The following CLDN14 variants were observed in gnomAD, a reference collection of about 807,000 sequenced individuals.
CLDN14 encodes claudin-14.
In CLDN14, 2 loss-of-function variants were observed where a neutral mutation model predicts 2.1. The observed-to-expected ratio is 0.96, with a 90% CI of 0.39 to 3.01. The LOEUF is 3.01. CLDN14 is among the 30% of genes most tolerant of loss of function. The pLI, the probability that CLDN14 is intolerant of heterozygous loss-of-function variation, is 0.09. For missense variants in CLDN14, 298 were observed against 328.0 expected, an observed-to-expected ratio of 0.91 and a Z score of 0.71; for synonymous variants, 136 against 154.4, an observed-to-expected ratio of 0.88 and a Z score of 0.88.
chr21:36,491,258 T>A (rs1033518711), intron 2 of CLDN14, among the ~76,000 whole-genome samples: 1 of 152,150 alleles, frequency 6.6e-6, no homozygotes, highest in African/African-American at 2.4e-5. Context: ...GTCTCTTTCC[T>A]AAGGTTTGTG....
intron 1 of CLDN14, among the ~76,000 whole-genome samples, chr21:36,567,536 G>T (rs1439966288): frequency 1.3e-5 from 2 of 152,170 alleles, no homozygotes; most frequent in Non-Finnish European, 2.9e-5. Context: ...TTCATTTAGG[G>T]GGCTGGGGGT....
intron 1 of CLDN14, among the ~76,000 whole-genome samples, chr21:36,526,083 G>A (rs2146497429): frequency 6.6e-6 from 1 of 152,232 alleles, no homozygotes; most frequent in Admixed American, 6.5e-5. Context: ...TTCCTTATCT[G>A]AGAACCACAG....
Position 36,574,164 on chromosome 21 carries a change from C to A in CLDN14, c.-220+2247G>T, listed in dbSNP as rs561814060. On this transcript the variant is annotated intron_variant, in intron 1 of 2. Transcript: ENST00000342108. ...TAATATGAGTTCACATATGATAAAGCTACAGTAGTCAAGATAGTAGGGTAC... is the reference window on the plus strand; with the variant it reads ...TAATATGAGTTCACATATGATAAAGATACAGTAGTCAAGATAGTAGGGTAC... 9.9e-5 allele frequency among the ~76,000 whole-genome samples: 15 copies of A among 152,158 alleles called. 1 individual carries two copies. The highest frequency in any genetic ancestry group is 8.5e-4 in the Admixed American group (13 of 15,286).
rs149240544 is a variant in CLDN14, at chr21:36,498,987, C to G, written c.-82+11376G>C. Among the ~76,000 whole-genome samples the G allele has an allele frequency of 6.1e-3, 927 of 152,300 alleles. 11 individuals carry two copies. Among genetic ancestry groups the G allele is most frequent in the African/African-American group, 0.02 (841 of 41,566 alleles). The stretch of plus-strand genomic sequence containing the variant: ...GAGTGTCCTCTTGCACTCCATCCAT[C>G]TGGATGAAGCACCTTTATTTTCTAA... On this transcript the variant is annotated intron_variant, in intron 2 of 2. Transcript: ENST00000342108. The surrounding 1 kb of genome is among the most constrained non-coding windows in gnomAD (Gnocchi z 4.9).
chr21:36,550,848 A>C (rs1220243867), intron 1 of CLDN14, among the ~76,000 whole-genome samples: 1 of 152,184 alleles, frequency 6.6e-6, no homozygotes, highest in Non-Finnish European at 1.5e-5. Context: ...GGTTGAGGAG[A>C]GTCCTTCCCA....
At chr21:36,525,966 G>A (rs1442827457) in intron 1 of CLDN14, among the ~76,000 whole-genome samples, 5 of 152,168 alleles carry the variant, frequency 3.3e-5, no homozygotes, top group Non-Finnish European at 2.9e-5. Context: ...GAAGCGGCAC[G>A]ATGAAGGTAT....
intron 1 of CLDN14, among the ~76,000 whole-genome samples, chr21:36,554,160 TCTG>T (rs999497300): frequency 3.9e-5 from 6 of 152,184 alleles, no homozygotes; most frequent in Non-Finnish European, 7.3e-5. Flanking sequence ...CTCTGGTTTC[TCTG>T]CTGTTTTGAC....
intron 1 of CLDN14, among the ~76,000 whole-genome samples, chr21:36,474,436 G>A (rs930427977): frequency 7.9e-5 from 12 of 152,148 alleles, no homozygotes; most frequent in African/African-American, 1.9e-4. Flanking sequence ...AAGGAAGGTC[G>A]TCCATTACTA....
intron 1 of CLDN14, among the ~76,000 whole-genome samples, chr21:36,464,125 T>G (rs2086615057): frequency 6.6e-6 from 1 of 152,082 alleles, no homozygotes; most frequent in African/African-American, 2.4e-5. Flanking sequence ...GTGAGTGAGT[T>G]CTCACGAGAT....
chr21:36,482,856 G>T (rs762776179), upstream of CLDN14, among the ~76,000 whole-genome samples: 1 of 152,210 alleles, frequency 6.6e-6, no homozygotes, highest in East Asian at 1.9e-4. Context: ...GAGACTGCTT[G>T]TGTCAATAGT....
intron 1 of CLDN14, among the ~76,000 whole-genome samples, chr21:36,552,967 C>T (rs2087573048): frequency 6.6e-6 from 1 of 152,204 alleles, no homozygotes; most frequent in Admixed American, 6.5e-5. Context: ...GGTGCAGAGG[C>T]CCCTCCTCAA....
chr21:36,471,821 G>A (rs1226804916), intron 1 of CLDN14, among the ~76,000 whole-genome samples: 1 of 128,216 alleles, frequency 7.8e-6, no homozygotes, highest in Admixed American at 8.7e-5. Flanking sequence ...ATTGAACTGG[G>A]GATAAACTGC....
Position 36,461,375 on chromosome 21 carries a change from G to T in CLDN14, c.321C>A (p.Cys107Ter), listed in dbSNP as rs764548516. 3 of 1,612,970 alleles carry T rather than the reference G, an allele frequency of 1.9e-6. No homozygotes were observed. Among genetic ancestry groups the T allele is most frequent in the East Asian group, 2.2e-5 (1 of 44,872 alleles). The change falls in exon 2 of 2, where the codon TGC (cysteine) becomes TGA (stop). Residue 107 changes from cysteine (C) to a stop codon, truncating the protein, a stop_gained. Transcript: ENST00000399135. LOFTEE classifies it low-confidence loss of function (END_TRUNC). ...TGGTCTTGGCGGGTGTGCCCTTGGC[G>T]CAGCGCGTGCACTTCATCCCGATGA... The part of the protein sequence containing the change: ...CAVIGMKCTR[C>*]AKGTPAKTTF...
rs544168582 is a variant in CLDN14 at position 36,509,656 on chromosome 21, C to T, written c.-82+707G>A. ...TCTGTCACAGGCTGGAGTGCAGTGG[C>T]GCAATCTCTGCTCATTGCAACCTCC... is the stretch of plus-strand genomic sequence containing the variant. On this transcript the variant is annotated intron_variant, in intron 2 of 2. Transcript: ENST00000342108. Among the ~76,000 whole-genome samples, 28 of 152,172 alleles carry T rather than the reference C, an allele frequency of 1.8e-4. No homozygotes were observed. The South Asian group carries it at 2.5e-3, about 14-fold the overall frequency.
At chr21:36,530,093 C>T (rs1360393905) in intron 1 of CLDN14, among the ~76,000 whole-genome samples, 2 of 152,208 alleles carry the variant, frequency 1.3e-5, no homozygotes, top group African/African-American at 2.4e-5. Context: ...ATTTCAGTTC[C>T]GAGGCGGGCC....
chr21:36,491,986 A>AAT (rs1232257440), intron 2 of CLDN14, among the ~76,000 whole-genome samples: 7 of 152,110 alleles, frequency 4.6e-5, no homozygotes, highest in Non-Finnish European at 1.0e-4. Flanking sequence ...CTTCTTTGGA[A>AAT]ATAGAGTCTT....
chr21:36,538,259 A>C (rs573793061), intron 1 of CLDN14, among the ~76,000 whole-genome samples: 35 of 152,282 alleles, frequency 2.3e-4, no homozygotes, highest in African/African-American at 8.4e-4. Context: ...CAAATGGTTG[A>C]GATCAATGTT....
intron 1 of CLDN14, among the ~76,000 whole-genome samples, chr21:36,478,349 T>C (rs1012432402): frequency 6.6e-6 from 1 of 152,202 alleles, no homozygotes; most frequent in Non-Finnish European, 1.5e-5. Context: ...CTGACTAATC[T>C]TGGGCAAGCT....
At chr21:36,561,601 C>G (rs1568882102) in intron 1 of CLDN14, among the ~76,000 whole-genome samples, 1 of 152,210 alleles carries the variant, frequency 6.6e-6, no homozygotes, top group African/African-American at 2.4e-5. Flanking sequence ...CTTGGTTTCT[C>G]AGAGGTCCTC....
Sources: gnomAD v4.1 joint callset for allele counts (sites outside exome capture counted in the v4.1 genomes callset) on GRCh38, gnomAD v4.1.1 for gene constraint, Gnocchi (gnomAD v3.1) non-coding constraint, MANE v1.5 for transcripts, NCBI Gene and HGNC (gene_info 2026-07-23, HGNC 2026-07-21) for gene names.